Variants in BRF1 observed in about 807,000 individuals in gnomAD.
BRF1 encodes transcription factor IIIB 90 kDa subunit.
BRF1 carries 59 observed loss-of-function variants against 81.7 expected under a neutral mutation model. The ratio of observed to expected loss-of-function variants is 0.72; its 90% CI spans 0.59 to 0.90. BRF1 has a LOEUF of 0.90. Among genes scored for constraint, BRF1 ranks in the 40% least tolerant of loss-of-function variants. The pLI is 0.00. For missense variants in BRF1, 1,050 were observed against 936.3 expected, an observed-to-expected ratio of 1.12 and a Z score of -1.58; for synonymous variants, 491 against 395.6, an observed-to-expected ratio of 1.24 and a Z score of -2.86.
At position 105,256,375 on chromosome 14, in the gene BRF1, C is replaced by A. The variant is rs754629781; in HGVS notation, c.471+143G>T. On this transcript the variant is annotated intron_variant, in intron 4 of 17. Transcript: ENST00000547530. ...CATGAAGGCCCCTCATCCTACAGAC[C>A]AAAACTTCCTGACTGGGCAGGCAGC... is the stretch of plus-strand genomic sequence containing the variant. 104 of 1,588,638 alleles carry A rather than the reference C, an allele frequency of 6.5e-5. No individual in the cohort carries two copies. The highest frequency in any genetic ancestry group is 1.6e-4 in the Middle Eastern group (1 of 6,062).
chr14:105,224,344 G>A (rs752064139), intron 10 of BRF1, among the ~76,000 whole-genome samples: 6 of 152,194 alleles, frequency 3.9e-5, no homozygotes, highest in Non-Finnish European at 8.8e-5. Flanking sequence ...ACTCCAGCCT[G>A]GGTGACAGAG....
At chr14:105,307,173 G>A (rs1156470347) in intron 1 of BRF1, among the ~76,000 whole-genome samples, 2 of 151,876 alleles carry the variant, frequency 1.3e-5, no homozygotes, top group Non-Finnish European at 2.9e-5. Context: ...GCCTCCCAAA[G>A]TACTGAGATC....
chr14:105,281,273 C>T (rs587630348), intron 2 of BRF1, among the ~76,000 whole-genome samples: 319 of 140,022 alleles, frequency 2.3e-3, no homozygotes, highest in African/African-American at 8.0e-3. Context: ...ACCCTGAGCC[C>T]GGGTGTGTGG....
At chr14:105,247,487 G>A in intron 5 of BRF1, 1 of 985,360 alleles carries the variant, frequency 1.0e-6, no homozygotes, top group Non-Finnish European at 1.2e-6. Context: ...TTCCTGACTT[G>A]TAGTTGCTCC....
In BRF1 at chr14:105,300,521, T is replaced by C. The variant is rs1050882461; in HGVS notation, c.109A>G (p.Ile37Val). The C allele has an allele frequency of 1.3e-6, 2 of 1,538,026 alleles. No individual in the cohort carries two copies. Among genetic ancestry groups the C allele is most frequent in the East Asian group, 2.5e-5 (1 of 40,102 alleles). ...TCCACGAACTGCACCTCGGACACGA[T>C]GATGTTGTCCTCCAGCACTGAGCCG... ...ACGSVLEDNI[I>V]VSEVQFVESS... The change falls in exon 1 of 18, where the codon ATC becomes GTC. Residue 37 changes from isoleucine to valine, a missense_variant. Around this residue, in one of 2 missense-constraint regions of BRF1, gnomAD observed 1,043 missense variants for 915.4 expected, o/e 1.14. Transcript: ENST00000547530.
At chr14:105,219,593 G>A (rs987470085) in intron 12 of BRF1, 4 of 446,974 alleles carry the variant, frequency 8.9e-6, no homozygotes, top group Non-Finnish European at 1.2e-5. Context: ...AGGCTGGAGG[G>A]GTCTGAGGCA....
At chr14:105,229,578 T>A (rs1215684870) in intron 6 of BRF1, among the ~76,000 whole-genome samples, 1 of 152,070 alleles carries the variant, frequency 6.6e-6, no homozygotes, top group Non-Finnish European at 1.5e-5. Flanking sequence ...AAAGTGAGAG[T>A]CTGAGTGACA....
chr14:105,225,462 A>G (rs1892935654), intron 10 of BRF1, among the ~76,000 whole-genome samples: 2 of 152,168 alleles, frequency 1.3e-5, no homozygotes, highest in Admixed American at 1.3e-4. Flanking sequence ...CAGCATTAAC[A>G]TCAAAACACA....
Position 105,300,702 on chromosome 14 carries a change from C to A in BRF1, c.-73G>T. 1.7e-6 allele frequency: 2 copies of A among 1,176,002 alleles called. No homozygotes were observed. The highest frequency in any genetic ancestry group is 2.1e-6 in the Non-Finnish European group (2 of 938,168). 72.8% of individuals were successfully genotyped at this position (1,176,002 alleles called of 1,614,324 possible). A position where few individuals can be genotyped will look rare whatever the true frequency, so the allele number is the denominator to read the frequency against. Reference sequence around the variant, plus strand: ...CCACCCGAGCCTCCGGAGCAGCCCGCGCCGCCCGCCCAGGCCCAGCCGCCC... The same window carrying A: ...CCACCCGAGCCTCCGGAGCAGCCCGAGCCGCCCGCCCAGGCCCAGCCGCCC... On this transcript the variant is annotated 5_prime_UTR_variant, in exon 1 of 18. Transcript: ENST00000547530.
At chr14:105,226,901 G>T in intron 7 of BRF1, 141 bp from the exon 8 acceptor site, 3 of 1,191,316 alleles carry the variant, frequency 2.5e-6, no homozygotes, top group Non-Finnish European at 3.5e-6. Flanking sequence ...TTGAGTCCAA[G>T]ACTTTGAGAC....
chr14:105,209,697 GCT>G lies in BRF1; in HGVS notation c.*852_*853del, dbSNP rs1889862852. ...TGACAGGGAGCGCCACTGCCCTCTGGCTCTGTCCACGGGGAACTCCCAGCGCC... is the reference window on the plus strand; with the variant it reads ...TGACAGGGAGCGCCACTGCCCTCTGGCTGTCCACGGGGAACTCCCAGCGCC... On this transcript the variant is annotated 3_prime_UTR_variant, in exon 18 of 18. Transcript: ENST00000547530. 1.6e-6 allele frequency: 1 copy of G among 641,368 alleles called. No individual in the cohort carries two copies. 39.7% of individuals were successfully genotyped at this position (641,368 alleles called of 1,614,324 possible).
chr14:105,280,713 C>T (rs1034150065), intron 2 of BRF1, among the ~76,000 whole-genome samples: 13 of 151,998 alleles, frequency 8.6e-5, no homozygotes, highest in Non-Finnish European at 1.2e-4. Context: ...ATCCTGAGTC[C>T]GGGTGTGCGG....
In BRF1 at chr14:105,219,903, G is replaced by T. The variant is rs367732146; in HGVS notation, c.1377+166C>A. 2.1e-3 allele frequency: 1,537 copies of T among 715,656 alleles called. 3 individuals carry two copies. The highest frequency in any genetic ancestry group is 3.0e-3 in the Non-Finnish European group (1,347 of 442,734). 44.3% of individuals were successfully genotyped at this position (715,656 alleles called of 1,614,324 possible). On this transcript the variant is annotated intron_variant, in intron 12 of 17. Coordinates refer to ENST00000547530, the MANE Select transcript of BRF1 (RefSeq NM_001519.4). ...AGCCGACACTGGAGAAGAGAGTGTG[G>T]GGGGGGGTCCCGGGAACAGTGGCCA... is the stretch of plus-strand genomic sequence containing the variant.
intron 5 of BRF1, among the ~76,000 whole-genome samples, chr14:105,245,365 A>AAAT (rs1555383409): frequency 1.3e-5 from 2 of 152,146 alleles, no homozygotes; most frequent in African/African-American, 2.4e-5. Flanking sequence ...CATCTCAAAA[A>AAAT]AAATAAATAA....
chr14:105,301,363 C>T (rs1255894291), upstream of BRF1: 6 of 149,964 alleles, frequency 4.0e-5, no homozygotes, highest in African/African-American at 1.2e-4. Context: ...GCGAAGGGAA[C>T]TGGAGCTGTG....
chr14:105,313,075 G>A (rs1161366386), intron 1 of BRF1, among the ~76,000 whole-genome samples: 1 of 152,184 alleles, frequency 6.6e-6, no homozygotes, highest in Non-Finnish European at 1.5e-5. Context: ...GTGGCAGCTG[G>A]TGCCAAGCCC....
chr14:105,243,978 C>T (rs369028165), intron 5 of BRF1, among the ~76,000 whole-genome samples: 36 of 152,034 alleles, frequency 2.4e-4, no homozygotes, highest in African/African-American at 7.5e-4. Context: ...CCAGCCTAGG[C>T]GACAGAGCGA....
chr14:105,291,339 C>A (rs1354130195), intron 1 of BRF1, among the ~76,000 whole-genome samples: 1 of 152,238 alleles, frequency 6.6e-6, no homozygotes, highest in Admixed American at 6.5e-5. Context: ...CAGGATTCTT[C>A]CAACATGAGA....
At chr14:105,226,978 G>A (rs1354449086) in intron 7 of BRF1, 1 of 553,442 alleles carries the variant, frequency 1.8e-6, no homozygotes, top group East Asian at 3.3e-5. Context: ...GCCACGCATG[G>A]TGGTACACAC....
Sources: gnomAD v4.1 joint callset for allele counts (sites outside exome capture counted in the v4.1 genomes callset) on GRCh38, gnomAD v4.1.1 for gene constraint, gnomAD v4.1.1 regional missense constraint, MANE v1.5 for transcripts, NCBI Gene and HGNC (gene_info 2026-07-23, HGNC 2026-07-21) for gene names.